The following DLEU7 variants were observed in gnomAD, a reference collection of about 807,000 sequenced individuals.
The protein encoded by DLEU7 is leukemia-associated protein 7.
Under a neutral mutation model 16.0 loss-of-function variants are expected in DLEU7, and 17 were observed. That is an observed-to-expected ratio of 1.06 (90% CI 0.73 to 1.59). The LOEUF (loss-of-function observed/expected upper bound fraction) is 1.59, where lower values mean the gene tolerates loss of function less well. Among genes scored for constraint, DLEU7 ranks in the 40% most tolerant of loss-of-function variants. The probability of loss-of-function intolerance (pLI) is 0.00; values close to 1 mark genes in which losing one functional copy is unlikely to be tolerated. For synonymous variants in DLEU7, 113 were observed against 139.8 expected (o/e 0.81, Z 1.35); for missense variants, 308 against 314.9 (o/e 0.98, Z 0.17).
intron 1 of DLEU7, among the ~76,000 whole-genome samples, chr13:50,811,618 A>T (rs1313168011): frequency 6.6e-6 from 1 of 152,144 alleles, no homozygotes; most frequent in Non-Finnish European, 1.5e-5. Context: ...CTCCCTTCCT[A>T]GCCATTGCCA....
intron 1 of DLEU7, among the ~76,000 whole-genome samples, chr13:50,725,689 G>A (rs1323704473): frequency 6.6e-6 from 1 of 152,180 alleles, no homozygotes; most frequent in East Asian, 1.9e-4. Context: ...GGGCATGGGA[G>A]GGGAAGGAGA....
At chr13:50,762,800 GAAAA>G (rs34858154) in intron 1 of DLEU7, among the ~76,000 whole-genome samples, 1 of 119,354 alleles carries the variant, frequency 8.4e-6, no homozygotes, top group Non-Finnish European at 1.8e-5. Flanking sequence ...TATTGTGCTA[GAAAA>G]AAAAAAAAAA....
At chr13:50,753,527 C>T (rs1874649717) in intron 1 of DLEU7, among the ~76,000 whole-genome samples, 3 of 152,250 alleles carry the variant, frequency 2.0e-5, no homozygotes, top group South Asian at 4.1e-4. Context: ...GGACCCAGTA[C>T]ATCCTCCACA....
At chr13:50,762,802 A>G (rs74399635) in intron 1 of DLEU7, among the ~76,000 whole-genome samples, 5 of 44,510 alleles carry the variant, frequency 1.1e-4, no homozygotes, top group African/African-American at 2.0e-4. Flanking sequence ...TTGTGCTAGA[A>G]AAAAAAAAAA....
chr13:50,803,006 T>C (rs1876291343), intron 1 of DLEU7, among the ~76,000 whole-genome samples: 1 of 152,182 alleles, frequency 6.6e-6, no homozygotes, highest in Admixed American at 6.5e-5. Flanking sequence ...ATTTAACCTG[T>C]TCCCTATTGA....
intron 1 of DLEU7, among the ~76,000 whole-genome samples, chr13:50,814,307 CCCAT>C (rs954245307): frequency 2.0e-5 from 3 of 151,812 alleles, no homozygotes; most frequent in Non-Finnish European, 4.4e-5. Context: ...CATCTATCCA[CCCAT>C]CCATCCATCC....
chr13:50,711,919 G>A (rs1467321515), exon 2 of DLEU7: 1 of 151,666 alleles, frequency 6.6e-6, no homozygotes, highest in Non-Finnish European at 1.5e-5. Context: ...AAAATATTGG[G>A]GAAAGGAGAA....
intron 1 of DLEU7, among the ~76,000 whole-genome samples, chr13:50,757,745 T>G (rs1340667806): frequency 2.0e-5 from 3 of 152,182 alleles, no homozygotes; most frequent in Admixed American, 1.3e-4. Flanking sequence ...AAATAGGAAT[T>G]TGTTATATCT....
chr13:50,802,338 T>G (rs1392871274), intron 1 of DLEU7, among the ~76,000 whole-genome samples: 1 of 152,052 alleles, frequency 6.6e-6, no homozygotes, highest in African/African-American at 2.4e-5. Flanking sequence ...ATACCTCCCA[T>G]TTGGTTCCAC....
At chr13:50,742,006 G>A (rs1208034837) in intron 1 of DLEU7, among the ~76,000 whole-genome samples, 1 of 152,098 alleles carries the variant, frequency 6.6e-6, no homozygotes, top group Non-Finnish European at 1.5e-5. Flanking sequence ...ACATATAGAT[G>A]TTCACTTTCA....
At chr13:50,754,256 G>A (rs1469164162) in intron 1 of DLEU7, among the ~76,000 whole-genome samples, 1 of 152,182 alleles carries the variant, frequency 6.6e-6, no homozygotes, top group African/African-American at 2.4e-5. Context: ...CCTGTCTAGT[G>A]CTATCAGTGG....
intron 1 of DLEU7, among the ~76,000 whole-genome samples, chr13:50,774,839 C>T (rs1875446814): frequency 1.3e-5 from 2 of 152,042 alleles, no homozygotes; most frequent in African/African-American, 2.4e-5. Flanking sequence ...TTCATGGACA[C>T]TACTCCTTTC....
intron 1 of DLEU7, among the ~76,000 whole-genome samples, chr13:50,840,795 G>A (rs1260570012): frequency 1.3e-5 from 2 of 151,338 alleles, no homozygotes; most frequent in African/African-American, 2.4e-5. Flanking sequence ...GGATGGGGGG[G>A]CAGCACTTGA....
At chr13:50,802,163 GT>G (rs925125243) in intron 1 of DLEU7, among the ~76,000 whole-genome samples, 5 of 136,690 alleles carry the variant, frequency 3.7e-5, no homozygotes, top group African/African-American at 1.3e-4. Flanking sequence ...AAGCCCATTA[GT>G]TTAGTTTTCT....
At chr13:50,752,052 C>CTTTTTTTTTTTTTTTTTTTTTT (rs200928092) in intron 1 of DLEU7, among the ~76,000 whole-genome samples, 1 of 135,738 alleles carries the variant, frequency 7.4e-6, no homozygotes, top group African/African-American at 2.8e-5. Context: ...CTCTTTCAGT[C>CTTTTTTTTTTTTTTTTTTTTTT]TTTTTTTTTT....
intron 1 of DLEU7, among the ~76,000 whole-genome samples, chr13:50,783,874 G>C (rs73495626): frequency 0.012 from 1,805 of 152,102 alleles, 35 homozygotes; most frequent in African/African-American, 0.038. Flanking sequence ...CCCATACCAC[G>C]CCCAAAGGAA....
intron 1 of DLEU7, among the ~76,000 whole-genome samples, chr13:50,794,575 A>G (rs1453657640): frequency 6.6e-6 from 1 of 152,218 alleles, no homozygotes; most frequent in African/African-American, 2.4e-5. Flanking sequence ...GTTTTTTAAT[A>G]TGAGAATCAT....
intron 1 of DLEU7, among the ~76,000 whole-genome samples, chr13:50,785,398 G>A (rs1875771467): frequency 6.6e-6 from 1 of 152,172 alleles, no homozygotes; most frequent in Non-Finnish European, 1.5e-5. Flanking sequence ...GGGGAGTACA[G>A]AACAGTTTTC....
At position 50,809,597 on chromosome 13, in the gene DLEU7, C is replaced by G. The variant is rs1170376080; in HGVS notation, c.459+33591G>C. Among the ~76,000 whole-genome samples, 6 of 152,132 alleles carry G rather than the reference C, an allele frequency of 3.9e-5. No individual in the cohort carries two copies. In the East Asian group the frequency reaches 1.2e-3, roughly 29 times the overall value. The stretch of plus-strand genomic sequence containing the variant: ...GTCAGCCAGCATGCAATCTTACCTT[C>G]TGTCTCCACGGAAAAGCCCATTCAG... On this transcript the variant is annotated intron_variant, in intron 1 of 1. Transcript: ENST00000400393.
Sources: allele counts gnomAD v4.1 joint callset (sites outside exome capture counted in the v4.1 genomes callset), GRCh38; gene constraint gnomAD v4.1.1; transcripts MANE v1.5; gene names NCBI Gene and HGNC (gene_info 2026-07-23, HGNC 2026-07-21).